FAM227B: variants seen among roughly 807,000 people sequenced by gnomAD.
FAM227B encodes protein FAM227B.
Under a neutral mutation model 73.8 loss-of-function variants are expected in FAM227B, and 88 were observed. That is an observed-to-expected ratio of 1.19 (90% CI 1.00 to 1.42). FAM227B has a LOEUF of 1.42. Among genes scored for constraint, FAM227B ranks in the 40% most tolerant of loss-of-function variants. The pLI is 0.00. For synonymous variants in FAM227B, 210 were observed against 190.5 expected (o/e 1.10, Z -0.84); for missense variants, 632 against 590.9 (o/e 1.07, Z -0.72).
At chr15:49,467,585 C>G (rs1372923771) in intron 11 of FAM227B, among the ~76,000 whole-genome samples, 1 of 152,032 alleles carries the variant, frequency 6.6e-6, no homozygotes, top group African/African-American at 2.4e-5. Context: ...ATATAAAAAT[C>G]TGATACTTTC....
In FAM227B at chr15:49,469,493, T is replaced by C. The variant is rs113130137; in HGVS notation, c.1012+38718A>G. Among the ~76,000 whole-genome samples, 715 of 152,218 alleles carry C rather than the reference T, an allele frequency of 4.7e-3. 8 individuals carry two copies. Among genetic ancestry groups the C allele is most frequent in the African/African-American group, 0.016 (678 of 41,564 alleles). On this transcript the variant is annotated intron_variant, in intron 11 of 15. Transcript: ENST00000299338. ...AATCACTTGGCTTTTCATGGCACAA[T>C]TTTTACTCCCTTTCTTAGAGTCAGA...
chr15:49,413,537 T>C (rs889724239), intron 11 of FAM227B, among the ~76,000 whole-genome samples: 2 of 152,076 alleles, frequency 1.3e-5, no homozygotes, highest in African/African-American at 4.8e-5. Context: ...TCCCTTACCA[T>C]AATTAGTCTA....
intron 3 of FAM227B, among the ~76,000 whole-genome samples, chr15:49,602,802 C>G (rs1341112505): frequency 1.3e-5 from 2 of 152,016 alleles, no homozygotes; most frequent in Non-Finnish European, 2.9e-5. Context: ...GTCTTTAATC[C>G]CTTTTGATTT....
At chr15:49,541,838 T>C (rs982091173) in intron 9 of FAM227B, 32 bp from the exon 10 acceptor site, 30 of 1,309,718 alleles carry the variant, frequency 2.3e-5, no homozygotes, top group Non-Finnish European at 2.9e-5. Context: ...AGATTAATTT[T>C]ATATTTTTAA....
At position 49,508,331 on chromosome 15, in the gene FAM227B, C is replaced by T; in HGVS notation, c.892G>A (p.Gly298Ser). ...TTCAGTTTCCAGTGGATCCAAAAGC[C>T]TTTTTGAGGTTTTAAACCTGTTAAT... is the stretch of plus-strand genomic sequence containing the variant. ...LWCSGLKPQKGFWIHWKLKEL... is the reference protein window; with the variant it reads ...LWCSGLKPQKSFWIHWKLKEL... Residue 298 changes from glycine to serine, a missense_variant, in exon 11 of 16, where the codon GGC becomes AGC. By Grantham distance (56) the Gly-to-Ser change is moderately conservative. Coordinates refer to ENST00000299338, the MANE Select transcript of FAM227B (RefSeq NM_152647.3). The T allele has an allele frequency of 1.3e-6, 2 of 1,598,296 alleles. No individual in the cohort carries two copies. The highest frequency in any genetic ancestry group is 1.7e-6 in the Non-Finnish European group (2 of 1,174,954).
chr15:49,592,194 C>T (rs959126411), intron 3 of FAM227B, among the ~76,000 whole-genome samples: 2 of 152,188 alleles, frequency 1.3e-5, no homozygotes, highest in East Asian at 1.9e-4. Flanking sequence ...CATTCTCTGT[C>T]CAGCTTTGTT....
chr15:49,436,134 T>C (rs543947449), intron 11 of FAM227B, among the ~76,000 whole-genome samples: 34 of 151,710 alleles, frequency 2.2e-4, no homozygotes, highest in African/African-American at 8.0e-4. Flanking sequence ...TGTTTTAAAA[T>C]TATACATGGG....
intron 13 of FAM227B, among the ~76,000 whole-genome samples, chr15:49,354,376 T>A (rs1423338612): frequency 1.3e-5 from 2 of 151,988 alleles, no homozygotes; most frequent in Non-Finnish European, 2.9e-5. Context: ...TGGGCGCAGG[T>A]CAGTGGGTGC....
chr15:49,450,683 CTT>C (rs2052642486), intron 11 of FAM227B, among the ~76,000 whole-genome samples: 1 of 152,248 alleles, frequency 6.6e-6, no homozygotes, highest in Admixed American at 6.5e-5. Flanking sequence ...CCTTATGCCT[CTT>C]GATTCCCACA....
At chr15:49,429,665 T>TA (rs1272147398) in intron 11 of FAM227B, among the ~76,000 whole-genome samples, 1 of 151,838 alleles carries the variant, frequency 6.6e-6, no homozygotes, top group African/African-American at 2.4e-5. Flanking sequence ...TGGGGAACTT[T>TA]AAAAAAATAC....
At chr15:49,570,456 T>C (rs1431468213) in intron 8 of FAM227B, among the ~76,000 whole-genome samples, 5 of 151,914 alleles carry the variant, frequency 3.3e-5, no homozygotes, top group Admixed American at 6.6e-5. Flanking sequence ...ATGTCTTCCT[T>C]TGAGAAGTGT....
At chr15:49,541,855 A>G in intron 9 of FAM227B, 49 bp from the exon 10 acceptor site, 1 of 1,226,740 alleles carries the variant, frequency 8.2e-7, no homozygotes, top group African/African-American at 1.6e-5. Flanking sequence ...TTAAATTTTA[A>G]TATATGTCAG....
At chr15:49,591,690 T>C (rs534740352) in intron 3 of FAM227B, among the ~76,000 whole-genome samples, 2 of 152,102 alleles carry the variant, frequency 1.3e-5, no homozygotes, top group African/African-American at 4.8e-5. Context: ...TTTCACTATG[T>C]TGGCCAGGCT....
chr15:49,377,568 T>A (rs1354125555), intron 11 of FAM227B, among the ~76,000 whole-genome samples: 1 of 152,164 alleles, frequency 6.6e-6, no homozygotes, highest in Non-Finnish European at 1.5e-5. Flanking sequence ...TGGGGTGAGA[T>A]GGTATCTCGC....
chr15:49,347,714 C>T (rs1168170158), intron 13 of FAM227B, among the ~76,000 whole-genome samples: 2 of 152,068 alleles, frequency 1.3e-5, no homozygotes, highest in African/African-American at 4.8e-5. Context: ...TCAATGAAAA[C>T]TTCCATTAAA....
chr15:49,534,053 G>A (rs1317216057), intron 10 of FAM227B, among the ~76,000 whole-genome samples: 1 of 151,554 alleles, frequency 6.6e-6, no homozygotes, highest in Non-Finnish European at 1.5e-5. Flanking sequence ...TTTTTACTTT[G>A]TAGTTACCAT....
At chr15:49,364,853 T>C (rs2044855066) in intron 13 of FAM227B, among the ~76,000 whole-genome samples, 1 of 146,666 alleles carries the variant, frequency 6.8e-6, no homozygotes, top group Non-Finnish European at 1.5e-5. Flanking sequence ...GGTCAAGGCA[T>C]TTTTTTTTTT....
At chr15:49,597,807 A>G (rs532625279) in intron 3 of FAM227B, among the ~76,000 whole-genome samples, 108 of 152,160 alleles carry the variant, frequency 7.1e-4, no homozygotes, top group African/African-American at 2.6e-3. Flanking sequence ...CTGATAACAC[A>G]GAGATACAAA....
At chr15:49,590,374 C>T (rs2076450475) in intron 3 of FAM227B, among the ~76,000 whole-genome samples, 1 of 152,044 alleles carries the variant, frequency 6.6e-6, no homozygotes, top group African/African-American at 2.4e-5. Flanking sequence ...TCAGTGGAAC[C>T]AATTATGCCC....
Sources: allele counts gnomAD v4.1 joint callset (sites outside exome capture counted in the v4.1 genomes callset), GRCh38; gene constraint gnomAD v4.1.1; transcripts MANE v1.5; gene names NCBI Gene and HGNC (gene_info 2026-07-23, HGNC 2026-07-21).